The following EPHB4 variants were observed in gnomAD, a reference collection of about 807,000 sequenced individuals.
EPHB4 encodes ephrin type-B receptor 4.
Under a neutral mutation model 110.6 loss-of-function variants are expected in EPHB4, and 50 were observed. The observed-to-expected ratio is 0.45, with a 90% CI of 0.36 to 0.57. The LOEUF is 0.57. Among genes scored for constraint, EPHB4 ranks in the 20% least tolerant of loss-of-function variants. The pLI is 0.00. For missense variants in EPHB4, 1,128 were observed against 1,382.1 expected, an observed-to-expected ratio of 0.82 and a Z score of 2.91; for synonymous variants, 592 against 578.4, an observed-to-expected ratio of 1.02 and a Z score of -0.34.
Position 100,813,165 on chromosome 7 carries a change from A to G in EPHB4, c.1800T>C (p.Asn600=). The part of the protein sequence containing the change: ...YIDPFTYEDP[N]EAVREFAKEI... ...CTTTTGCAAATTCCCTCACAGCCTCATTAGGGTCTTCATAAGTGAAGGGGT... is the reference window on the plus strand; with the variant it reads ...CTTTTGCAAATTCCCTCACAGCCTCGTTAGGGTCTTCATAAGTGAAGGGGT... Residue 600 remains asparagine (N), a synonymous_variant, in exon 11 of 17, where the codon AAT becomes AAC. Transcript: ENST00000358173. 6.2e-7 allele frequency: 1 copy of G among 1,609,160 alleles called. No homozygotes were observed.
At position 100,823,653 on chromosome 7, in the gene EPHB4, G is replaced by C. The variant is rs1428865928; in HGVS notation, c.402C>G (p.Pro134=). Reference sequence around the variant, plus strand: ...GGGGGCACCCAGGTACCTTGATGTAGGGGTTCTCCATCCAGGCTGGCGTGA... The same window carrying C: ...GGGGGCACCCAGGTACCTTGATGTACGGGTTCTCCATCCAGGCTGGCGTGA... ...TALTPAWMEN[P]YIKVDTVAAE... Residue 134 remains proline, a synonymous_variant, in exon 3 of 17, where the codon CCC becomes CCG. Coordinates refer to ENST00000358173, the MANE Select transcript of EPHB4 (RefSeq NM_004444.5). 3 of 1,612,300 alleles carry C rather than the reference G, an allele frequency of 1.9e-6. No individual in the cohort carries two copies. Among genetic ancestry groups the C allele is most frequent in the Non-Finnish European group, 2.5e-6 (3 of 1,179,246 alleles).
At chr7:100,823,402 G>C (rs1220722629) in intron 3 of EPHB4, among the ~76,000 whole-genome samples, 1 of 152,048 alleles carries the variant, frequency 6.6e-6, no homozygotes, top group Non-Finnish European at 1.5e-5. Flanking sequence ...GGGTGGTTGA[G>C]GTGACTGGAG....
chr7:100,826,930 G>A (rs772080434), intron 1 of EPHB4, 49 bp downstream of exon 1: 7 of 1,535,726 alleles, frequency 4.6e-6, no homozygotes, highest in Admixed American at 2.0e-5. Flanking sequence ...ATGTTGGGGG[G>A]GAGGTCCCAG....
chr7:100,807,458 T>G lies in EPHB4; in HGVS notation c.2241A>C (p.Leu747=). ...VHRDLAARNI[L]VNSNLVCKVS... ...CTTTGCAGACGAGGTTGCTGTTGAC[T>G]AGGATGTTGCGAGCAGCCAGGTCTC... is the stretch of plus-strand genomic sequence containing the variant. The change falls in exon 13 of 17, where the codon CTA becomes CTC. Residue 747 remains leucine (L), a synonymous_variant. Coordinates refer to ENST00000358173, the MANE Select transcript of EPHB4 (RefSeq NM_004444.5). The G allele has an allele frequency of 6.2e-7, 1 of 1,612,574 alleles. No homozygotes were observed. The highest frequency in any genetic ancestry group is 8.5e-7 in the Non-Finnish European group (1 of 1,179,746).
chr7:100,805,069 C>G (rs1812786412), intron 16 of EPHB4, 97 bp downstream of exon 16: 1 of 1,433,430 alleles, frequency 7.0e-7, no homozygotes, highest in Non-Finnish European at 9.3e-7. Flanking sequence ...ACAGCATTGG[C>G]ACCCGAAGCT....
At chr7:100,814,601 G>A (rs896805180) in intron 8 of EPHB4, among the ~76,000 whole-genome samples, 4 of 152,128 alleles carry the variant, frequency 2.6e-5, no homozygotes, top group African/African-American at 9.7e-5. Flanking sequence ...CGTTCTAAAG[G>A]TGAAACATTT....
intron 12 of EPHB4, 101 bp from the exon 13 acceptor site, chr7:100,807,681 G>T: frequency 7.8e-7 from 1 of 1,277,626 alleles, no homozygotes. Context: ...TTGTTCTGTC[G>T]CCCAGGCTGG....
At chr7:100,806,122 G>A in intron 14 of EPHB4, 2 of 253,386 alleles carry the variant, frequency 7.9e-6, no homozygotes, top group Non-Finnish European at 7.4e-6. Flanking sequence ...ATCATGCTGG[G>A]CTAATTTTTT....
chr7:100,818,984 A>G (rs903503667), intron 6 of EPHB4, among the ~76,000 whole-genome samples: 2 of 151,956 alleles, frequency 1.3e-5, no homozygotes, highest in African/African-American at 4.8e-5. Flanking sequence ...TGCTGGCTAC[A>G]CTTGTCTCAA....
intron 2 of EPHB4, 84 bp downstream of exon 2, chr7:100,824,119 T>A (rs924924581): frequency 3.2e-5 from 50 of 1,582,228 alleles, no homozygotes; most frequent in Non-Finnish European, 4.2e-5. Context: ...GGGAGAGGAG[T>A]GGCACACAGA....
Position 100,812,974 on chromosome 7 carries a change from G to A in EPHB4, c.1891C>T (p.Arg631Trp), listed in dbSNP as rs780683641. The change falls in exon 12 of 17, where the codon CGG becomes TGG. Residue 631 changes from arginine to tryptophan, a missense_variant. By Grantham distance (101) the Arg-to-Trp change is moderately radical. This residue lies in a region of EPHB4 where 191 missense variants were observed against 313.0 expected (regional missense o/e 0.61). Transcript: ENST00000358173. ...IGAGEFGEVC[R>W]GRLKAPGKKE... ...TTCCCTGGGGCCTTGAGCCGCCCCC[G>A]GCACACCTCGCCAAACTCACCTTCA... 5 of 1,613,754 alleles carry A rather than the reference G, an allele frequency of 3.1e-6. No homozygotes were observed. The highest frequency in any genetic ancestry group is 2.2e-5 in the East Asian group (1 of 44,860).
intron 4 of EPHB4, among the ~76,000 whole-genome samples, chr7:100,821,535 G>A (rs912776355): frequency 5.9e-5 from 9 of 151,286 alleles, no homozygotes; most frequent in Non-Finnish European, 1.3e-4. Flanking sequence ...GGCTGAGGCA[G>A]GAGAATGGTG....
In EPHB4 at chr7:100,805,166, TCAGCAGAGATCTG is replaced by T; in HGVS notation, c.2821_2833del (p.Gln941ArgfsTer24). Reference sequence around the variant, plus strand: ...CACTCCAGCTCCTGCCACTGCTTACTCAGCAGAGATCTGGCTGACCAGCTCGAAGGAGCCAAAG... The same window carrying T: ...CACTCCAGCTCCTGCCACTGCTTACTGCTGACCAGCTCGAAGGAGCCAAAG... On this transcript the variant is annotated frameshift_variant and splice_region_variant, in exon 16 of 17. Transcript: ENST00000358173. LOFTEE classifies it high-confidence loss of function. 6.2e-7 allele frequency: 1 copy of T among 1,612,146 alleles called. No individual in the cohort carries two copies. The highest frequency in any genetic ancestry group is 8.5e-7 in the Non-Finnish European group (1 of 1,179,186).
At chr7:100,820,943 G>A (rs1813212896) in intron 4 of EPHB4, 1 of 151,994 alleles carries the variant, frequency 6.6e-6, no homozygotes, top group Admixed American at 6.6e-5. Flanking sequence ...TGGCCAACAT[G>A]GTGGAAACCT....
At chr7:100,819,270 G>A (rs928689743) in intron 6 of EPHB4, among the ~76,000 whole-genome samples, 4 of 147,350 alleles carry the variant, frequency 2.7e-5, no homozygotes, top group East Asian at 2.0e-4. Flanking sequence ...GCACCACCTC[G>A]CCTGGCTAAT....
At position 100,822,864 on chromosome 7, in the gene EPHB4, G is replaced by A. The variant is rs1484046941; in HGVS notation, c.412-197C>T. Among the ~76,000 whole-genome samples the A allele has an allele frequency of 2.6e-5, 4 of 152,164 alleles. No homozygotes were observed. The highest frequency in any genetic ancestry group is 4.4e-5 in the Non-Finnish European group (3 of 68,034). On this transcript the variant is annotated intron_variant, in intron 3 of 16. Coordinates refer to ENST00000358173, the MANE Select transcript of EPHB4 (RefSeq NM_004444.5). This position sits in a 1 kb window ranked among gnomAD's most constrained non-coding sequence, Gnocchi z 4.7. ...CTTGCAAAGCTCCTGCGATATGCCC[G>A]GCCTCTGGCCTGCACCTCTCCCCCT...
At chr7:100,809,258 C>G (rs1444211071) in intron 12 of EPHB4, among the ~76,000 whole-genome samples, 1 of 152,100 alleles carries the variant, frequency 6.6e-6, no homozygotes, top group Admixed American at 6.6e-5. Flanking sequence ...AGGGGTGCAC[C>G]ACCATGCCTG....
intron 15 of EPHB4, 89 bp from the exon 16 acceptor site, chr7:100,805,410 G>A (rs1015985228): frequency 2.5e-6 from 4 of 1,584,538 alleles, no homozygotes; most frequent in African/African-American, 1.3e-5. Flanking sequence ...GCGGACAGAG[G>A]CCCTCCCACC....
chr7:100,820,546 C>G (rs1813199543), intron 4 of EPHB4: 1 of 353,178 alleles, frequency 2.8e-6, no homozygotes, highest in African/African-American at 2.1e-5. Context: ...ATCTCAAAAC[C>G]TTTCCTCTTA....
Sources: allele counts gnomAD v4.1 joint callset (sites outside exome capture counted in the v4.1 genomes callset), GRCh38; gene constraint gnomAD v4.1.1; regional missense constraint gnomAD v4.1.1; non-coding constraint Gnocchi (gnomAD v3.1); transcripts MANE v1.5; gene names NCBI Gene and HGNC (gene_info 2026-07-23, HGNC 2026-07-21).